Variants in TXNRD2 observed in about 807,000 individuals in gnomAD.
TXNRD2 encodes the protein thioredoxin reductase 2.
In TXNRD2, 67 loss-of-function variants were observed where a neutral mutation model predicts 70.8. That is an observed-to-expected ratio of 0.95 (90% CI 0.78 to 1.16). The LOEUF (loss-of-function observed/expected upper bound fraction) is 1.16. Among genes scored for constraint, TXNRD2 ranks in the 50% most tolerant of loss-of-function variants. TXNRD2 has a pLI of 0.00. For missense variants in TXNRD2, 644 were observed against 719.9 expected (o/e 0.89, Z 1.21); for synonymous variants, 301 against 295.8 (o/e 1.02, Z -0.18).
At chr22:19,917,131 GA>G (rs1940672608) in intron 5 of TXNRD2, among the ~76,000 whole-genome samples, 1 of 152,202 alleles carries the variant, frequency 6.6e-6, no homozygotes, top group Non-Finnish European at 1.5e-5. Context: ...TCAGAAGAGT[GA>G]AAAAGCAGAA....
At chr22:19,920,927 CCT>C (rs1940882088) in intron 2 of TXNRD2, among the ~76,000 whole-genome samples, 1 of 151,904 alleles carries the variant, frequency 6.6e-6, no homozygotes, top group Non-Finnish European at 1.5e-5. Flanking sequence ...ACGGTGAAAC[CCT>C]GTCTCTACTA....
rs1395816705 is a variant in TXNRD2, at chr22:19,878,187, T to C, written c.1348A>G (p.Met450Val). 3 of 1,612,630 alleles carry C rather than the reference T, an allele frequency of 1.9e-6. No homozygotes were observed. Among genetic ancestry groups the C allele is most frequent in the Admixed American group, 1.7e-5 (1 of 59,976 alleles). The change falls in exon 16 of 18, where the codon ATG becomes GTG. Residue 450 changes from methionine (M) to valine (V), a missense_variant and splice_region_variant. This residue lies in a region of TXNRD2 where 566 missense variants were observed against 645.0 expected (regional missense o/e 0.88). Transcript: ENST00000400521. ...GRDASQCYVK[M>V]VCLREPPQLV... ...TGTGGGGGCTCCCTCAGGCACACCA[T>C]CTGAAAGCCGCACATCTCAGCCACC...
intron 2 of TXNRD2, among the ~76,000 whole-genome samples, chr22:19,928,700 G>A (rs1021451175): frequency 6.6e-6 from 1 of 152,110 alleles, no homozygotes. Context: ...TTTAGAGATA[G>A]GGTCTTCAAA....
chr22:19,940,774 G>A (rs1032845048), intron 1 of TXNRD2, among the ~76,000 whole-genome samples: 2 of 152,166 alleles, frequency 1.3e-5, no homozygotes. Flanking sequence ...CCCTGGCTGA[G>A]GGTTCCAGGT....
rs16984311 is a variant in TXNRD2, at chr22:19,883,232, C to T, written c.1086+93G>A. 829 of 1,503,494 alleles carry T rather than the reference C, an allele frequency of 5.5e-4. 2 individuals carry two copies. In the African/African-American group the frequency reaches 9.6e-3, roughly 17 times the overall value. The allele number at this position is 1,503,494 out of a possible 1,614,324, so 93.1% of individuals were successfully genotyped here. A position where few individuals can be genotyped will look rare whatever the true frequency, so the allele number is the denominator to read the frequency against. ...TCTGTCATCAGAGAAAGTGTCGTTT[C>T]TCTCCTACAGGACGGCAGCAGCCGG... On this transcript the variant is annotated intron_variant, in intron 12 of 17. Coordinates refer to ENST00000400521, the MANE Select transcript of TXNRD2 (RefSeq NM_006440.5).
rs757596795 is a variant in TXNRD2 at position 19,878,390 on chromosome 22, TC to T, written c.1322del (p.Arg441GlnfsTer8). ...YKPLEFTVAG[R>X]DASQCYVKMV... ...CCTTTACATAACACTGGGATGCATC[TC>T]GTCCAGCCACCGTGAACTCCAGTGG... On this transcript the variant is annotated frameshift_variant, in exon 15 of 18. Coordinates refer to ENST00000400521, the MANE Select transcript of TXNRD2 (RefSeq NM_006440.5). LOFTEE classifies it high-confidence loss of function. 2 of 1,613,780 alleles carry T rather than the reference TC, an allele frequency of 1.2e-6. No homozygotes were observed. The highest frequency in any genetic ancestry group is 1.7e-6 in the Non-Finnish European group (2 of 1,180,022).
intron 9 of TXNRD2, 48 bp downstream of exon 9, chr22:19,899,001 G>C: frequency 6.2e-7 from 1 of 1,602,630 alleles, no homozygotes; most frequent in Non-Finnish European, 8.5e-7. Flanking sequence ...CTCAAGGGAA[G>C]GAGTGTCCAG....
At position 19,883,478 on chromosome 22, in the gene TXNRD2, G is replaced by C; in HGVS notation, c.950-17C>G. 1.9e-6 allele frequency: 3 copies of C among 1,613,970 alleles called. No homozygotes were observed. The highest frequency in any genetic ancestry group is 1.7e-5 in the Admixed American group (1 of 60,028). ...GGACTCGACCTGAAGGAAACAGAGA[G>C]GGGGCTGAAAGGTTATCTTCAGTGG... On this transcript the variant is annotated splice_polypyrimidine_tract_variant and intron_variant, in intron 11 of 17. Coordinates refer to ENST00000400521, the MANE Select transcript of TXNRD2 (RefSeq NM_006440.5).
At chr22:19,931,329 G>A (rs1048670276) in intron 1 of TXNRD2, among the ~76,000 whole-genome samples, 6 of 152,326 alleles carry the variant, frequency 3.9e-5, no homozygotes, top group Middle Eastern at 6.8e-3. Flanking sequence ...CAAATCACAC[G>A]CACACCATAC....
At chr22:19,903,036 T>G (rs781701370) in intron 8 of TXNRD2, 1 of 518,664 alleles carries the variant, frequency 1.9e-6, no homozygotes, top group South Asian at 1.4e-5. Flanking sequence ...CTCTGCCTCT[T>G]GGAGCCCCAG....
chr22:19,927,112 G>A lies in TXNRD2; in HGVS notation c.172+3918C>T, dbSNP rs184868001. 8.2e-3 allele frequency among the ~76,000 whole-genome samples: 1,250 copies of A among 151,962 alleles called. 17 individuals carry two copies. The highest frequency in any genetic ancestry group is 0.029 in the African/African-American group (1,198 of 41,442). ...AGTTCGAGACCAGCCTGGCCAACAT[G>A]GTGAAACCCCGTCTCTACTAAAAAT... is the stretch of plus-strand genomic sequence containing the variant. On this transcript the variant is annotated intron_variant, in intron 2 of 17. Coordinates refer to ENST00000400521, the MANE Select transcript of TXNRD2 (RefSeq NM_006440.5).
intron 7 of TXNRD2, among the ~76,000 whole-genome samples, chr22:19,914,487 CAGTCACTAAGGGACACACACATACG>C (rs754544566): frequency 1.0e-3 from 158 of 152,286 alleles, no homozygotes; most frequent in Non-Finnish European, 2.0e-3. Context: ...TGAAGTAAGC[CAGTCACTAAGGGACACACACATACG>C]AGTCACTAAG....
chr22:19,937,574 C>T (rs572112768), intron 1 of TXNRD2, among the ~76,000 whole-genome samples: 6 of 152,254 alleles, frequency 3.9e-5, no homozygotes, highest in Admixed American at 1.3e-4. Flanking sequence ...CTTGTGAAGG[C>T]GTTGGATCGG....
intron 4 of TXNRD2, 136 bp downstream of exon 4, chr22:19,918,724 C>T (rs1052972746): frequency 3.3e-5 from 35 of 1,067,982 alleles, no homozygotes; most frequent in African/African-American, 7.8e-5. Flanking sequence ...AGGCAGACAG[C>T]GCAGAGTCGC....
chr22:19,932,870 C>T (rs1489044567), intron 1 of TXNRD2, among the ~76,000 whole-genome samples: 2 of 152,216 alleles, frequency 1.3e-5, no homozygotes, highest in Non-Finnish European at 2.9e-5. Context: ...GAGAAGGCTG[C>T]ACTTATCTTT....
At chr22:19,930,775 G>C (rs1342837771) in intron 2 of TXNRD2, among the ~76,000 whole-genome samples, 1 of 152,206 alleles carries the variant, frequency 6.6e-6, no homozygotes, top group Non-Finnish European at 1.5e-5. Context: ...GATTGGGGCT[G>C]TCACTGTGAG....
intron 11 of TXNRD2, among the ~76,000 whole-genome samples, chr22:19,889,128 C>T (rs994457641): frequency 6.6e-5 from 10 of 152,056 alleles, no homozygotes; most frequent in East Asian, 1.9e-4. Flanking sequence ...ATACCCAGGG[C>T]GGCTCCTTGG....
At position 19,932,465 on chromosome 22, in the gene TXNRD2, A is replaced by C. The variant is rs529506645; in HGVS notation, c.104-1367T>G. The C allele has an allele frequency of 1.9e-6, 3 of 1,603,418 alleles. No homozygotes were observed. The African/African-American group carries it at 4.0e-5, about 21-fold the overall frequency. Reference sequence around the variant, plus strand: ...CAAGCTACTGGCGAGGAAGGCAGGCAAGGGGCAGCCAAAAAAGGGAGGGAT... The same window carrying C: ...CAAGCTACTGGCGAGGAAGGCAGGCCAGGGGCAGCCAAAAAAGGGAGGGAT... On this transcript the variant is annotated intron_variant, in intron 1 of 17. Coordinates refer to ENST00000400521, the MANE Select transcript of TXNRD2 (RefSeq NM_006440.5).
At chr22:19,889,526 G>A (rs34970138) in intron 11 of TXNRD2, among the ~76,000 whole-genome samples, 24,264 of 152,160 alleles carry the variant, frequency 0.16, 1,990 homozygotes, top group East Asian at 0.2. Flanking sequence ...CAGGAGAATC[G>A]CTTGAATTCG....
Sources: allele counts gnomAD v4.1 joint callset (sites outside exome capture counted in the v4.1 genomes callset), GRCh38; gene constraint gnomAD v4.1.1; regional missense constraint gnomAD v4.1.1; transcripts MANE v1.5; gene names NCBI Gene and HGNC (gene_info 2026-07-23, HGNC 2026-07-21).